STK38: variants seen among roughly 807,000 people sequenced by gnomAD.
The protein encoded by STK38 is serine/threonine kinase 38, also known as serine/threonine-protein kinase 38.
In STK38, 26 loss-of-function variants were observed where a neutral mutation model predicts 59.0. That is an observed-to-expected ratio of 0.44 (90% CI 0.32 to 0.61). The LOEUF (loss-of-function observed/expected upper bound fraction) is 0.61, where lower values mean the gene tolerates loss of function less well. STK38 is among the 20% of genes least tolerant of loss of function. STK38 has a pLI of 0.04. For missense variants in STK38, 433 were observed against 566.0 expected (o/e 0.76, Z 2.38); for synonymous variants, 175 against 176.6 (o/e 0.99, Z 0.07).
At chr6:36,515,641 A>G in intron 6 of STK38, 149 bp from the exon 7 acceptor site, 1 of 1,373,952 alleles carries the variant, frequency 7.3e-7, no homozygotes, top group Non-Finnish European at 9.6e-7. Context: ...TGTGTGCCAG[A>G]GATAGACCCA....
Position 36,515,410 on chromosome 6 carries a change from G to A in STK38, c.597C>T (p.Ala199=). 6.2e-7 allele frequency: 1 copy of A among 1,613,954 alleles called. No homozygotes were observed. Among genetic ancestry groups the A allele is most frequent in the South Asian group, 1.1e-5 (1 of 91,078 alleles). The change falls in exon 7 of 14, where the codon GCC becomes GCT. Residue 199 remains alanine, a synonymous_variant. Coordinates refer to ENST00000229812, the MANE Select transcript of STK38 (RefSeq NM_007271.4). ...TQFYIAETVL[A]IDSIHQLGFI... ...ATCCAAGTTGGTGAATAGAGTCTAT[G>A]GCTAATACTGTTTCTGCTATATAAA...
chr6:36,527,362 T>C (rs934756064), intron 2 of STK38, among the ~76,000 whole-genome samples: 1 of 139,010 alleles, frequency 7.2e-6, no homozygotes, highest in Admixed American at 7.6e-5. Flanking sequence ...TGTATATATA[T>C]TAGTACACAC....
chr6:36,543,400 C>T (rs1463420091), intron 1 of STK38, among the ~76,000 whole-genome samples: 1 of 152,034 alleles, frequency 6.6e-6, no homozygotes, highest in Non-Finnish European at 1.5e-5. Context: ...CCATTCCTAC[C>T]TCTCATATGA....
chr6:36,510,172 G>A (rs1777073799), intron 7 of STK38, among the ~76,000 whole-genome samples: 1 of 152,190 alleles, frequency 6.6e-6, no homozygotes, highest in African/African-American at 2.4e-5. Flanking sequence ...TTTGTCCACA[G>A]CACCCAGGCT....
In STK38 at chr6:36,496,771, T is replaced by G. The variant is rs1776714435; in HGVS notation, c.1207A>C (p.Ser403Arg). Residue 403 changes from serine (S) to arginine (R), a missense_variant, in exon 13 of 14, where the codon AGC becomes CGC. Physicochemically the swap from Ser to Arg is moderately radical, Grantham distance 110. Transcript: ENST00000229812. ...TCGAAGTTTGAGGTATCATCAATGC[T>G]TTTGATTTCAATAGATATTGCAGCA... ...RPAAISIEIK[S>R]IDDTSNFDEF... The G allele has an allele frequency of 6.2e-7, 1 of 1,613,346 alleles. No homozygotes were observed.
chr6:36,499,200 G>A (rs673530), intron 10 of STK38, among the ~76,000 whole-genome samples: 1,550 of 152,168 alleles, frequency 0.01, 33 homozygotes, highest in African/African-American at 0.036. Context: ...CAAATAACTT[G>A]AATAAGAAAA....
intron 7 of STK38, among the ~76,000 whole-genome samples, chr6:36,512,667 C>CTT (rs201882616): frequency 4.0e-5 from 6 of 149,904 alleles, no homozygotes; most frequent in South Asian, 2.1e-4. Context: ...AATCTTTCTT[C>CTT]TTTTTTTTTT....
intron 11 of STK38, 64 bp from the exon 12 acceptor site, chr6:36,497,939 T>TTTTTC: frequency 6.1e-5 from 5 of 81,588 alleles, no homozygotes; most frequent in Middle Eastern, 2.4e-3. Flanking sequence ...AAAAACTTTC[T>TTTTTC]TTTTTTTTTT....
At chr6:36,536,859 T>A (rs1174812544) in intron 2 of STK38, among the ~76,000 whole-genome samples, 1 of 151,642 alleles carries the variant, frequency 6.6e-6, no homozygotes, top group Non-Finnish European at 1.5e-5. Flanking sequence ...TTTTTTTTTT[T>A]AAAGAAGAAA....
At chr6:36,513,233 T>C (rs1200716716) in intron 7 of STK38, among the ~76,000 whole-genome samples, 1 of 151,822 alleles carries the variant, frequency 6.6e-6, no homozygotes, top group African/African-American at 2.4e-5. Flanking sequence ...TTGGCCAGGC[T>C]GGTCTTGAGC....
intron 7 of STK38, among the ~76,000 whole-genome samples, chr6:36,508,500 G>T (rs980084147): frequency 6.6e-6 from 1 of 152,160 alleles, no homozygotes; most frequent in Non-Finnish European, 1.5e-5. Flanking sequence ...TATAACATTG[G>T]AATAAATTCC....
intron 7 of STK38, among the ~76,000 whole-genome samples, chr6:36,509,254 T>C (rs1777043392): frequency 6.6e-6 from 1 of 152,132 alleles, no homozygotes; most frequent in South Asian, 2.1e-4. Context: ...AGACCCAAAG[T>C]GGGTTGCTCC....
chr6:36,515,134 G>C (rs1438406709), intron 7 of STK38, among the ~76,000 whole-genome samples: 6 of 151,964 alleles, frequency 3.9e-5, no homozygotes, highest in Non-Finnish European at 8.8e-5. Flanking sequence ...TTATTTTTAA[G>C]AGAAATGTTC....
chr6:36,521,717 C>G lies in STK38; in HGVS notation c.390+17G>C. On this transcript the variant is annotated intron_variant, in intron 5 of 13. Transcript: ENST00000229812. Reference sequence around the variant, plus strand: ...AAAAATTAATAAGCTAAAAGCACTGCTACAACTGTGCTTTACCTGCTCTTT... The same window carrying G: ...AAAAATTAATAAGCTAAAAGCACTGGTACAACTGTGCTTTACCTGCTCTTT... 6.3e-7 allele frequency: 1 copy of G among 1,590,370 alleles called. No individual in the cohort carries two copies.
In STK38 at chr6:36,494,786, A is replaced by G. The variant is rs1031689865; in HGVS notation, c.*998T>C. 1 of 152,658 alleles carries G rather than the reference A, an allele frequency of 6.6e-6. No homozygotes were observed. The highest frequency in any genetic ancestry group is 2.4e-5 in the African/African-American group (1 of 41,576). The allele number at this position is 152,658 out of a possible 1,614,324, so 9.5% of individuals were successfully genotyped here. A position where few individuals can be genotyped will look rare whatever the true frequency, so the allele number is the denominator to read the frequency against. On this transcript the variant is annotated 3_prime_UTR_variant, in exon 14 of 14. Transcript: ENST00000229812. ...ACTTGTCAGCTGGCTCTGTACTTCT[A>G]TTGGGCTGGTTCCTTCACCATTTCC... is the stretch of plus-strand genomic sequence containing the variant.
Position 36,498,346 on chromosome 6 carries a change from G to T in STK38, c.1076+17C>A, listed in dbSNP as rs1379563655. 2 of 1,596,788 alleles carry T rather than the reference G, an allele frequency of 1.3e-6. No homozygotes were observed. Among genetic ancestry groups the T allele is most frequent in the Non-Finnish European group, 1.7e-6 (2 of 1,175,818 alleles). ...TTAAAAAGCTGAGAAAGAAGGTGGA[G>T]GGATGTTCTCTAATACCTCAAAATT... On this transcript the variant is annotated intron_variant, in intron 11 of 13. Coordinates refer to ENST00000229812, the MANE Select transcript of STK38 (RefSeq NM_007271.4).
chr6:36,541,536 C>G (rs1167977374), intron 1 of STK38, among the ~76,000 whole-genome samples: 2 of 152,116 alleles, frequency 1.3e-5, no homozygotes, highest in Non-Finnish European at 2.9e-5. Context: ...TTAGGGATAA[C>G]TTGAATATAC....
At chr6:36,526,264 C>T (rs2127482524) in intron 2 of STK38, among the ~76,000 whole-genome samples, 1 of 150,054 alleles carries the variant, frequency 6.7e-6, no homozygotes, top group Admixed American at 6.6e-5. Context: ...CTTACCAAAC[C>T]ACAAAACAGC....
chr6:36,509,504 G>A (rs114019310), intron 7 of STK38, among the ~76,000 whole-genome samples: 4,145 of 151,042 alleles, frequency 0.027, 199 homozygotes, highest in African/African-American at 0.093. Context: ...GCTTAGGTTA[G>A]ATAACAAGGG....
Sources: allele counts gnomAD v4.1 joint callset (sites outside exome capture counted in the v4.1 genomes callset), GRCh38; gene constraint gnomAD v4.1.1; transcripts MANE v1.5; gene names NCBI Gene and HGNC (gene_info 2026-07-23, HGNC 2026-07-21).